BTBD9: variants seen among roughly 807,000 people sequenced by gnomAD.
BTBD9 encodes the protein BTB domain containing 9, also known as BTB/POZ domain-containing protein 9.
Under a neutral mutation model 64.3 loss-of-function variants are expected in BTBD9, and 49 were observed. The ratio of observed to expected loss-of-function variants is 0.76; its 90% confidence interval spans 0.61 to 0.97. The LOEUF is 0.97. BTBD9 is among the 50% of genes least tolerant of loss of function. The pLI, the probability that BTBD9 is intolerant of heterozygous loss-of-function variation, is 0.00. For synonymous variants in BTBD9, 260 were observed against 274.7 expected, an observed-to-expected ratio of 0.95 and a Z score of 0.53; for missense variants, 598 against 762.1, an observed-to-expected ratio of 0.78 and a Z score of 2.53.
Position 38,355,263 on chromosome 6 carries a change from G to A in BTBD9, c.1155-10170C>T, listed in dbSNP as rs570097936. On this transcript the variant is annotated intron_variant, in intron 6 of 10. Coordinates refer to ENST00000481247, the MANE Select transcript of BTBD9 (RefSeq NM_001099272.2). ...GCAGACATGGGATTCAAACCTAACA[G>A]TCTACCCAATCATTTAAAAAGACAT... Among the ~76,000 whole-genome samples, 4 of 152,290 alleles carry A rather than the reference G, an allele frequency of 2.6e-5. No homozygotes were observed. The South Asian group carries it at 6.2e-4, about 24-fold the overall frequency.
chr6:38,302,472 C>T (rs1186874224), intron 7 of BTBD9, among the ~76,000 whole-genome samples: 1 of 102,846 alleles, frequency 9.7e-6, no homozygotes, highest in Non-Finnish European at 2.0e-5. Context: ...GAATAATATT[C>T]CATTGTGTGT....
At chr6:38,522,540 C>T (rs1210576625) in intron 6 of BTBD9, among the ~76,000 whole-genome samples, 1 of 152,244 alleles carries the variant, frequency 6.6e-6, no homozygotes, top group East Asian at 1.9e-4. Flanking sequence ...AGTTCTTTGG[C>T]TGCTTTGCCA....
chr6:38,443,007 T>TA (rs922940074), intron 6 of BTBD9, among the ~76,000 whole-genome samples: 6 of 151,188 alleles, frequency 4.0e-5, no homozygotes, highest in African/African-American at 7.3e-5. Context: ...AAGGATTTTT[T>TA]AAAAAAAAAT....
Position 38,488,519 on chromosome 6 carries a change from G to A in BTBD9, c.1154+89081C>T, listed in dbSNP as rs116538932. 3.1e-3 allele frequency among the ~76,000 whole-genome samples: 475 copies of A among 152,198 alleles called. 4 individuals are homozygous for A. Among genetic ancestry groups the A allele is most frequent in the African/African-American group, 0.011 (446 of 41,506 alleles). On this transcript the variant is annotated intron_variant, in intron 6 of 10. Coordinates refer to ENST00000481247, the MANE Select transcript of BTBD9 (RefSeq NM_001099272.2). ...CAGTGACTTCAGGCTGCGATGTGTC[G>A]GCATAGCACAGTCCTGTCTCCGGGC...
At chr6:38,360,827 A>G (rs1298201272) in intron 6 of BTBD9, among the ~76,000 whole-genome samples, 1 of 152,112 alleles carries the variant, frequency 6.6e-6, no homozygotes, top group Non-Finnish European at 1.5e-5. Context: ...ACAACAAGAT[A>G]ACGGCTAGAG....
Position 38,328,941 on chromosome 6 carries a change from C to T in BTBD9, c.1264+16043G>A, listed in dbSNP as rs188060980. Among the ~76,000 whole-genome samples the T allele has an allele frequency of 8.7e-5, 10 of 114,678 alleles. No individual in the cohort carries two copies. In the South Asian group the frequency reaches 2.7e-3, roughly 31 times the overall value. 75.2% of individuals were successfully genotyped at this position (114,678 alleles called of 152,430 possible). A position where few individuals can be genotyped will look rare whatever the true frequency, so the allele number is the denominator to read the frequency against. On this transcript the variant is annotated intron_variant, in intron 7 of 10. Coordinates refer to ENST00000481247, the MANE Select transcript of BTBD9 (RefSeq NM_001099272.2). ...CAGCCTGGGTGACAGAGCAAGACTTCGTCTCAAAAAAAAAAAGAAAGAAAA... is the reference window on the plus strand; with the variant it reads ...CAGCCTGGGTGACAGAGCAAGACTTTGTCTCAAAAAAAAAAAGAAAGAAAA...
chr6:38,580,566 T>C, intron 4 of BTBD9, 129 bp from the exon 5 acceptor site: 1 of 779,586 alleles, frequency 1.3e-6, no homozygotes, highest in Non-Finnish European at 2.0e-6. Flanking sequence ...GACAAGTTTA[T>C]TGGATAGAAA....
At chr6:38,551,505 G>A (rs532125356) in intron 6 of BTBD9, among the ~76,000 whole-genome samples, 2 of 152,242 alleles carry the variant, frequency 1.3e-5, no homozygotes, top group South Asian at 4.2e-4. Context: ...TTATTCTTAT[G>A]CAATTTAAAC....
Position 38,375,016 on chromosome 6 carries a change from G to A in BTBD9, c.1155-29923C>T, listed in dbSNP as rs1765628624. 2.0e-5 allele frequency among the ~76,000 whole-genome samples: 3 copies of A among 152,186 alleles called. No homozygotes were observed. In the South Asian group the frequency reaches 6.2e-4, roughly 31 times the overall value. On this transcript the variant is annotated intron_variant, in intron 6 of 10. Coordinates refer to ENST00000481247, the MANE Select transcript of BTBD9 (RefSeq NM_001099272.2). ...TCTTTCATATGTTTCTGTCTTTAAG[G>A]CAGGAGTATATACTGAATCATTCTC...
chr6:38,486,731 T>C (rs1206526857), intron 6 of BTBD9, among the ~76,000 whole-genome samples: 3 of 152,220 alleles, frequency 2.0e-5, no homozygotes, highest in Non-Finnish European at 4.4e-5. Flanking sequence ...TTTTGAAATA[T>C]TGTGAGAATT....
At chr6:38,276,608 A>C (rs901870946) in intron 8 of BTBD9, among the ~76,000 whole-genome samples, 1 of 152,208 alleles carries the variant, frequency 6.6e-6, no homozygotes, top group African/African-American at 2.4e-5. Flanking sequence ...TTACCCTCCC[A>C]CAGACTGTAC....
At chr6:38,245,222 C>A (rs1378206402) in intron 9 of BTBD9, among the ~76,000 whole-genome samples, 2 of 152,142 alleles carry the variant, frequency 1.3e-5, no homozygotes, top group African/African-American at 4.8e-5. Context: ...ACTTAACAGC[C>A]ATGCTATGAA....
chr6:38,339,573 G>A (rs1010628662), intron 7 of BTBD9, among the ~76,000 whole-genome samples: 7 of 152,022 alleles, frequency 4.6e-5, no homozygotes, highest in African/African-American at 1.7e-4. Context: ...GACGTTGGGA[G>A]GATACAAAAT....
At chr6:38,192,235 G>C (rs771562340) in intron 10 of BTBD9, among the ~76,000 whole-genome samples, 66 of 152,212 alleles carry the variant, frequency 4.3e-4, no homozygotes, top group Non-Finnish European at 6.6e-4. Flanking sequence ...TCAGAGACAA[G>C]GGATGGGGTG....
At chr6:38,634,613 G>A (rs1202887623) in intron 1 of BTBD9, among the ~76,000 whole-genome samples, 1 of 151,730 alleles carries the variant, frequency 6.6e-6, no homozygotes, top group Non-Finnish European at 1.5e-5. Context: ...CTAACACAAA[G>A]TCAAATGCAC....
chr6:38,427,306 A>T (rs1201616096), intron 6 of BTBD9, among the ~76,000 whole-genome samples: 4 of 151,942 alleles, frequency 2.6e-5, no homozygotes, highest in Non-Finnish European at 5.9e-5. Context: ...CCTGGGCAAC[A>T]CAGCAAGACC....
intron 4 of BTBD9, among the ~76,000 whole-genome samples, chr6:38,581,642 C>T (rs1776287977): frequency 6.6e-6 from 1 of 152,086 alleles, no homozygotes. Flanking sequence ...CAAGAGGCTG[C>T]AGAAAGATAT....
At chr6:38,542,303 G>A (rs2127438745) in intron 6 of BTBD9, among the ~76,000 whole-genome samples, 1 of 152,270 alleles carries the variant, frequency 6.6e-6, no homozygotes, top group Non-Finnish European at 1.5e-5. Context: ...CCCACAGTAT[G>A]TCTTTTTTCC....
intron 6 of BTBD9, among the ~76,000 whole-genome samples, chr6:38,400,781 T>C (rs958075073): frequency 3.3e-5 from 5 of 152,234 alleles, no homozygotes; most frequent in African/African-American, 1.2e-4. Flanking sequence ...ATGCTCACTG[T>C]AACAACTTTA....
Sources: gnomAD v4.1 joint callset for allele counts (sites outside exome capture counted in the v4.1 genomes callset) on GRCh38, gnomAD v4.1.1 for gene constraint, MANE v1.5 for transcripts, NCBI Gene and HGNC (gene_info 2026-07-23, HGNC 2026-07-21) for gene names.